DDX10: variants seen among roughly 807,000 people sequenced by gnomAD.
DDX10 encodes the protein probable ATP-dependent RNA helicase DDX10.
Under a neutral mutation model 104.3 loss-of-function variants are expected in DDX10, and 74 were observed. The observed-to-expected ratio is 0.71, with a 90% CI of 0.59 to 0.86. DDX10 has a LOEUF of 0.86. Among genes scored for constraint, DDX10 ranks in the 40% least tolerant of loss-of-function variants. The pLI, the probability that DDX10 is intolerant of heterozygous loss-of-function variation, is 0.00. For missense variants in DDX10, 952 were observed against 1,040.0 expected (o/e 0.92, Z 1.16); for synonymous variants, 351 against 353.4 (o/e 0.99, Z 0.08).
Position 108,701,774 on chromosome 11 carries a change from C to T in DDX10, c.1224-4965C>T, listed in dbSNP as rs190641869. On this transcript the variant is annotated intron_variant, in intron 9 of 17. Coordinates refer to ENST00000322536, the MANE Select transcript of DDX10 (RefSeq NM_004398.4). ...CGATCTTGGCTCACTGCAACCTCTGCCTCCCGGGTTCAAGTGATTCTCTTG... is the reference window on the plus strand; with the variant it reads ...CGATCTTGGCTCACTGCAACCTCTGTCTCCCGGGTTCAAGTGATTCTCTTG... 3.2e-3 allele frequency among the ~76,000 whole-genome samples: 452 copies of T among 142,286 alleles called. 1 individual carries two copies. Among genetic ancestry groups the T allele is most frequent in the African/African-American group, 0.011 (433 of 39,690 alleles). 93.3% of individuals were successfully genotyped at this position (142,286 alleles called of 152,430 possible).
chr11:108,732,809 A>G (rs1019816010), intron 13 of DDX10, among the ~76,000 whole-genome samples: 1 of 152,238 alleles, frequency 6.6e-6, no homozygotes, highest in Non-Finnish European at 1.5e-5. Context: ...CCAGGGAGAC[A>G]GTGTTAGATA....
intron 16 of DDX10, among the ~76,000 whole-genome samples, chr11:108,854,477 AGAGCTTCCCTTT>A (rs2134607739): frequency 6.6e-6 from 1 of 152,362 alleles, no homozygotes; most frequent in South Asian, 2.1e-4. Context: ...GATTCCAGGT[AGAGCTTCCCTTT>A]GATCCCTGAA....
intron 16 of DDX10, among the ~76,000 whole-genome samples, chr11:108,871,796 C>T (rs1273665838): frequency 1.3e-5 from 2 of 152,100 alleles, no homozygotes; most frequent in Non-Finnish European, 2.9e-5. Flanking sequence ...GGAGTGGTGT[C>T]ACATGCCTGT....
chr11:108,699,458 C>A (rs1024668166), intron 9 of DDX10, among the ~76,000 whole-genome samples: 2 of 152,124 alleles, frequency 1.3e-5, no homozygotes, highest in Non-Finnish European at 2.9e-5. Flanking sequence ...ATGGTTGTTT[C>A]CAGATTCATT....
chr11:108,787,429 A>G (rs1861809702), intron 13 of DDX10, among the ~76,000 whole-genome samples: 1 of 151,468 alleles, frequency 6.6e-6, no homozygotes, highest in African/African-American at 2.4e-5. Flanking sequence ...ATATTCTCAA[A>G]TACATTTTCC....
intron 17 of DDX10, among the ~76,000 whole-genome samples, chr11:108,934,930 G>A (rs1864018407): frequency 2.0e-5 from 3 of 152,170 alleles, no homozygotes. Flanking sequence ...ACTCTCCTCT[G>A]TTAACTCCGC....
At chr11:108,710,758 T>G (rs760487937) in intron 10 of DDX10, among the ~76,000 whole-genome samples, 2 of 152,218 alleles carry the variant, frequency 1.3e-5, no homozygotes, top group Admixed American at 1.3e-4. Flanking sequence ...GCAGTGTGTT[T>G]GCCTACACCA....
In DDX10 at chr11:108,826,176, T is replaced by A. The variant is rs1212940954; in HGVS notation, c.1966-12270T>A. Among the ~76,000 whole-genome samples the A allele has an allele frequency of 3.3e-5, 5 of 152,204 alleles. No homozygotes were observed. In the South Asian group the frequency reaches 6.2e-4, roughly 19 times the overall value. ...GTATAAAGTCTGAAAATCTTTTTTT[T>A]AAATTGGTACATTTATTAAAAACAT... is the stretch of plus-strand genomic sequence containing the variant. On this transcript the variant is annotated intron_variant, in intron 13 of 17. Transcript: ENST00000322536.
chr11:108,784,078 T>C (rs551549309), intron 13 of DDX10, among the ~76,000 whole-genome samples: 5 of 152,342 alleles, frequency 3.3e-5, no homozygotes, highest in Admixed American at 3.3e-4. Flanking sequence ...GTTGACTCCA[T>C]ATTTTTACTA....
At chr11:108,796,144 G>A (rs557746988) in intron 13 of DDX10, among the ~76,000 whole-genome samples, 4 of 152,162 alleles carry the variant, frequency 2.6e-5, no homozygotes, top group South Asian at 2.1e-4. Context: ...TGTATGATCC[G>A]TTGTGATTCT....
chr11:108,818,814 G>A (rs1862288420), intron 13 of DDX10, among the ~76,000 whole-genome samples: 1 of 152,052 alleles, frequency 6.6e-6, no homozygotes, highest in Admixed American at 6.5e-5. Flanking sequence ...TTTTTGGGGG[G>A]ACTTATCACT....
intron 13 of DDX10, among the ~76,000 whole-genome samples, chr11:108,783,626 G>A (rs556079347): frequency 6.6e-6 from 1 of 152,302 alleles, no homozygotes; most frequent in South Asian, 2.1e-4. Flanking sequence ...GAGTATGGGA[G>A]AAAGATGAGC....
chr11:108,669,563 T>G (rs1197140334), intron 1 of DDX10, among the ~76,000 whole-genome samples: 1 of 152,168 alleles, frequency 6.6e-6, no homozygotes, highest in Non-Finnish European at 1.5e-5. Flanking sequence ...TCAGATGGGT[T>G]CGAGAAGAAG....
rs370061515 is a variant in DDX10 at position 108,722,979 on chromosome 11, C to T, written c.1500-18C>T. On this transcript the variant is annotated intron_variant, in intron 12 of 17. Coordinates refer to ENST00000322536, the MANE Select transcript of DDX10 (RefSeq NM_004398.4). ...ATCAGTGTTGAGATGACTGTTTTCACGTTTTTCCATATTTAAGGTCTCTTG... is the reference window on the plus strand; with the variant it reads ...ATCAGTGTTGAGATGACTGTTTTCATGTTTTTCCATATTTAAGGTCTCTTG... The T allele has an allele frequency of 1.0e-5, 16 of 1,577,620 alleles. No individual in the cohort carries two copies. Among genetic ancestry groups the T allele is most frequent in the Middle Eastern group, 3.4e-4 (2 of 5,840 alleles).
intron 16 of DDX10, among the ~76,000 whole-genome samples, chr11:108,856,037 G>A (rs1255347986): frequency 6.6e-6 from 1 of 152,130 alleles, no homozygotes; most frequent in Non-Finnish European, 1.5e-5. Flanking sequence ...TTAGGTAATA[G>A]TTTCTTGAAT....
At chr11:108,795,480 A>C (rs1339378396) in intron 13 of DDX10, among the ~76,000 whole-genome samples, 8 of 133,896 alleles carry the variant, frequency 6.0e-5, no homozygotes, top group Non-Finnish European at 1.1e-4. Flanking sequence ...TCCTAATGCT[A>C]TCTCTCCCCC....
intron 6 of DDX10, among the ~76,000 whole-genome samples, chr11:108,685,574 T>G (rs544916158): frequency 8.5e-5 from 13 of 152,334 alleles, no homozygotes; most frequent in Non-Finnish European, 1.5e-4. Flanking sequence ...TCTCCAGTTC[T>G]TATAAAATCC....
At chr11:108,779,415 T>C (rs924113096) in intron 13 of DDX10, among the ~76,000 whole-genome samples, 3 of 152,116 alleles carry the variant, frequency 2.0e-5, no homozygotes, top group African/African-American at 7.2e-5. Context: ...GAAACCATAA[T>C]TCTGAGCAGA....
At chr11:108,799,502 A>T (rs1861989054) in intron 13 of DDX10, among the ~76,000 whole-genome samples, 1 of 152,128 alleles carries the variant, frequency 6.6e-6, no homozygotes, top group African/African-American at 2.4e-5. Flanking sequence ...TCAGACAATG[A>T]TTATTTGAGT....
Sources: gnomAD v4.1 joint callset for allele counts (sites outside exome capture counted in the v4.1 genomes callset) on GRCh38, gnomAD v4.1.1 for gene constraint, MANE v1.5 for transcripts, NCBI Gene and HGNC (gene_info 2026-07-23, HGNC 2026-07-21) for gene names.